VANGL2: variants seen among roughly 807,000 people sequenced by gnomAD.
VANGL2 encodes the protein vang-like protein 2.
A neutral mutation model predicts 50.2 loss-of-function variants in VANGL2; 14 were observed. That is an observed-to-expected ratio of 0.28 (90% CI 0.18 to 0.44). The LOEUF (loss-of-function observed/expected upper bound fraction) is 0.44, where lower values mean the gene tolerates loss of function less well. VANGL2 is among the 20% of genes least tolerant of loss of function. VANGL2 has a pLI of 1.00. For missense variants in VANGL2, 533 were observed against 701.5 expected, an observed-to-expected ratio of 0.76 and a Z score of 2.71; for synonymous variants, 295 against 297.2, an observed-to-expected ratio of 0.99 and a Z score of 0.08.
intron 1 of VANGL2, among the ~76,000 whole-genome samples, chr1:160,413,881 T>A (rs1650969665): frequency 6.6e-6 from 1 of 152,188 alleles, no homozygotes; most frequent in Admixed American, 6.5e-5. Context: ...GGCTGCCTAC[T>A]GTCTCATGGC....
At chr1:160,409,983 G>A (rs1189995334) in intron 1 of VANGL2, among the ~76,000 whole-genome samples, 1 of 152,208 alleles carries the variant, frequency 6.6e-6, no homozygotes, top group Non-Finnish European at 1.5e-5. Flanking sequence ...GGAAAGGGGT[G>A]CAAGGCATAT....
Position 160,400,766 on chromosome 1 carries a change from T to G in VANGL2, c.-294T>G, listed in dbSNP as rs1650428128. On this transcript the variant is annotated 5_prime_UTR_variant, in exon 1 of 8. Coordinates refer to ENST00000368061, the MANE Select transcript of VANGL2 (RefSeq NM_020335.3). The stretch of plus-strand genomic sequence containing the variant: ...AACATCCCCCATCGCGCGCGCTGCC[T>G]GTCCAGGAGCGCCGAGTTCGGAGCG... The G allele has an allele frequency of 2.0e-5, 3 of 149,304 alleles. No homozygotes were observed. Among genetic ancestry groups the G allele is most frequent in the East Asian group, 2.0e-4 (1 of 4,974 alleles). The allele number at this position is 149,304 out of a possible 1,614,324, so 9.2% of individuals were successfully genotyped here.
chr1:160,424,082 T>C lies in VANGL2; in HGVS notation c.1104T>C (p.Thr368=), dbSNP rs758300041. The C allele has an allele frequency of 6.2e-7, 1 of 1,613,880 alleles. No homozygotes were observed. The highest frequency in any genetic ancestry group is 1.1e-5 in the South Asian group (1 of 91,078). The part of the protein sequence containing the change: ...RLVVAVEEAF[T]HIKRLQEEEQ... ...TAGTGGCGGTGGAGGAGGCCTTCAC[T>C]CACATTAAGCGGCTGCAGGAAGAGG... Residue 368 remains threonine, a synonymous_variant, in exon 7 of 8, where the codon ACT becomes ACC. Transcript: ENST00000368061.
chr1:160,412,658 G>A (rs535151023), intron 1 of VANGL2, among the ~76,000 whole-genome samples: 5 of 152,146 alleles, frequency 3.3e-5, no homozygotes, highest in Admixed American at 6.5e-5. Context: ...TATCACGCAC[G>A]TGCTTTGACA....
intron 3 of VANGL2, among the ~76,000 whole-genome samples, chr1:160,416,491 G>A (rs545176311): frequency 1.5e-4 from 23 of 152,180 alleles, no homozygotes; most frequent in Non-Finnish European, 2.6e-4. Context: ...AGTCAGGCCC[G>A]CTGGGAGTCT....
In VANGL2 at chr1:160,427,923, G is replaced by C. The variant is rs1340457846; in HGVS notation, c.*2545G>C. On this transcript the variant is annotated 3_prime_UTR_variant, in exon 8 of 8. Coordinates refer to ENST00000368061, the MANE Select transcript of VANGL2 (RefSeq NM_020335.3). ...TCCTTTTCACCACCTCGGAACGCTT[G>C]CCTTTCCTCCCTCCACAACAGGACG... 6.5e-6 allele frequency: 1 copy of C among 152,772 alleles called. No individual in the cohort carries two copies. Among genetic ancestry groups the C allele is most frequent in the Non-Finnish European group, 1.5e-5 (1 of 68,186 alleles). The allele number at this position is 152,772 out of a possible 1,614,324, so 9.5% of individuals were successfully genotyped here. A position where few individuals can be genotyped will look rare whatever the true frequency, so the allele number is the denominator to read the frequency against.
At chr1:160,402,042 G>A (rs1650485386) in intron 1 of VANGL2, among the ~76,000 whole-genome samples, 1 of 152,182 alleles carries the variant, frequency 6.6e-6, no homozygotes. Flanking sequence ...CTTCGTGGAT[G>A]GCCTCGCCTG....
intron 1 of VANGL2, among the ~76,000 whole-genome samples, chr1:160,408,930 T>G (rs1650782596): frequency 6.6e-6 from 1 of 152,264 alleles, no homozygotes. Context: ...CCAGCCTCTC[T>G]GGATGGGTGG....
At chr1:160,410,696 A>ACACACG (rs958609395) in intron 1 of VANGL2, among the ~76,000 whole-genome samples, 7 of 149,338 alleles carry the variant, frequency 4.7e-5, no homozygotes, top group African/African-American at 1.5e-4. Context: ...ACACACACAC[A>ACACACG]CACGCACGCA....
At chr1:160,412,616 G>A (rs372806928) in intron 1 of VANGL2, among the ~76,000 whole-genome samples, 1 of 152,138 alleles carries the variant, frequency 6.6e-6, no homozygotes, top group Non-Finnish European at 1.5e-5. Context: ...GTTGGGTTAA[G>A]GTATTATGTC....
In VANGL2 at chr1:160,419,089, G is replaced by A. The variant is rs1651165780; in HGVS notation, c.280G>A (p.Asp94Asn). Residue 94 changes from aspartate to asparagine, a missense_variant, in exon 4 of 8, where the codon GAC becomes AAC. Transcript: ENST00000368061. This position sits in a 1 kb window ranked among gnomAD's most constrained non-coding sequence, Gnocchi z 5.8. ...SHDDLTRIAK[D>N]MEDSVPLDCS... ...TGATGACCTCACACGCATCGCCAAG[G>A]ACATGGAGGACAGTGTCCCTCTGGA... The A allele has an allele frequency of 6.2e-7, 1 of 1,614,016 alleles. No homozygotes were observed. The highest frequency in any genetic ancestry group is 8.5e-7 in the Non-Finnish European group (1 of 1,179,982).
intron 1 of VANGL2, among the ~76,000 whole-genome samples, chr1:160,404,560 C>T (rs376826331): frequency 2.0e-5 from 3 of 152,272 alleles, no homozygotes; most frequent in African/African-American, 7.2e-5. Flanking sequence ...ACACAATTGT[C>T]GCCATTTCCC....
At chr1:160,403,666 A>G (rs2101942848) in intron 1 of VANGL2, among the ~76,000 whole-genome samples, 1 of 66,430 alleles carries the variant, frequency 1.5e-5, no homozygotes. Context: ...GTTTTAGGGA[A>G]CTCCAGTCTT....
intron 1 of VANGL2, among the ~76,000 whole-genome samples, chr1:160,402,954 C>T (rs1256200544): frequency 6.6e-6 from 1 of 151,982 alleles, no homozygotes; most frequent in African/African-American, 2.4e-5. Flanking sequence ...TTGTACATAC[C>T]CATTATGGTC....
At chr1:160,411,369 C>T (rs1650875551) in intron 1 of VANGL2, among the ~76,000 whole-genome samples, 2 of 151,982 alleles carry the variant, frequency 1.3e-5, no homozygotes, top group East Asian at 1.9e-4. Flanking sequence ...GACGTTTCCA[C>T]TTGTTGATCT....
chr1:160,420,348 C>G, intron 4 of VANGL2, 63 bp from the exon 5 acceptor site: 1 of 1,607,856 alleles, frequency 6.2e-7, no homozygotes. Flanking sequence ...CCTAATGTGT[C>G]CCTTTCCCCT....
chr1:160,403,549 A>G (rs1326849805), intron 1 of VANGL2, among the ~76,000 whole-genome samples: 1 of 152,176 alleles, frequency 6.6e-6, no homozygotes, highest in African/African-American at 2.4e-5. Flanking sequence ...AGAGCAGGAC[A>G]GTTTTTTATC....
At chr1:160,420,027 A>G (rs1651212061) in intron 4 of VANGL2, among the ~76,000 whole-genome samples, 1 of 152,060 alleles carries the variant, frequency 6.6e-6, no homozygotes, top group Non-Finnish European at 1.5e-5. Context: ...CCCCAGAGAA[A>G]GAGATAAGGA....
intron 1 of VANGL2, among the ~76,000 whole-genome samples, chr1:160,411,778 C>T (rs1051398029): frequency 6.6e-6 from 1 of 152,004 alleles, no homozygotes; most frequent in Admixed American, 6.6e-5. Flanking sequence ...GACTGGTACC[C>T]TTGTCTGGTT....
Sources: gnomAD v4.1 joint callset for allele counts (sites outside exome capture counted in the v4.1 genomes callset) on GRCh38, gnomAD v4.1.1 for gene constraint, Gnocchi (gnomAD v3.1) non-coding constraint, MANE v1.5 for transcripts, NCBI Gene and HGNC (gene_info 2026-07-23, HGNC 2026-07-21) for gene names.